The following ATP13A4 variants were observed in gnomAD, a reference collection of about 807,000 sequenced individuals.
ATP13A4 encodes the protein probable cation-transporting ATPase 13A4.
ATP13A4 carries 114 observed loss-of-function variants against 142.5 expected under a neutral mutation model. The ratio of observed to expected loss-of-function variants is 0.80; its 90% CI spans 0.69 to 0.93. The LOEUF is 0.93. Among genes scored for constraint, ATP13A4 ranks in the 40% least tolerant of loss-of-function variants. ATP13A4 has a pLI of 0.00. For missense variants in ATP13A4, 1,392 were observed against 1,454.0 expected (o/e 0.96, Z 0.69); for synonymous variants, 488 against 514.8 (o/e 0.95, Z 0.70).
chr3:193,419,172 C>T (rs1336543931), intron 25 of ATP13A4, among the ~76,000 whole-genome samples: 1 of 150,110 alleles, frequency 6.7e-6, no homozygotes, highest in Non-Finnish European at 1.5e-5. Context: ...AACTACTCCT[C>T]TTAGTCACTG....
chr3:193,569,749 G>T (rs1577084534), intron 2 of ATP13A4, among the ~76,000 whole-genome samples: 1 of 151,856 alleles, frequency 6.6e-6, no homozygotes, highest in African/African-American at 2.4e-5. Flanking sequence ...TTTCCAAGCT[G>T]GTCTTGAACT....
chr3:193,516,380 T>C lies in ATP13A4; in HGVS notation c.61-1509A>G, dbSNP rs147688687. ...TAACTGATAAAATGTTCTCATTAAC[T>C]CAGAAATACAATCTCTTAACTAATT... On this transcript the variant is annotated intron_variant, in intron 1 of 29. Transcript: ENST00000342695. 3.1e-3 allele frequency among the ~76,000 whole-genome samples: 474 copies of C among 152,352 alleles called. 2 individuals carry two copies. The highest frequency in any genetic ancestry group is 0.01 in the African/African-American group (434 of 41,576).
At chr3:193,529,898 C>T (rs546779152) in intron 1 of ATP13A4, among the ~76,000 whole-genome samples, 2 of 152,230 alleles carry the variant, frequency 1.3e-5, no homozygotes, top group East Asian at 3.9e-4. Context: ...TAATAGCACC[C>T]ATAGAAAAAG....
In ATP13A4 at chr3:193,399,868, G is replaced by T. The variant is rs113321727; in HGVS notation, c.*2784C>A. The stretch of plus-strand genomic sequence containing the variant: ...CTCAAAAAAAAAAAAAAAAAAAAAA[G>T]GTTCACATCACAGCATAAGACTGAG... On this transcript the variant is annotated 3_prime_UTR_variant, in exon 30 of 30. Transcript: ENST00000342695. 1.1e-5 allele frequency among the ~76,000 whole-genome samples: 1 copy of T among 88,850 alleles called. No homozygotes were observed. The highest frequency in any genetic ancestry group is 2.5e-5 in the Non-Finnish European group (1 of 40,476). 58.3% of individuals were successfully genotyped at this position (88,850 alleles called of 152,430 possible).
intron 23 of ATP13A4, among the ~76,000 whole-genome samples, chr3:193,437,655 G>A (rs1192220955): frequency 6.6e-6 from 1 of 151,914 alleles, no homozygotes; most frequent in African/African-American, 2.4e-5. Flanking sequence ...TGAGATAGTA[G>A]GCATTATAGC....
chr3:193,555,968 C>A (rs114080994), upstream of ATP13A4, among the ~76,000 whole-genome samples: 10 of 152,210 alleles, frequency 6.6e-5, no homozygotes, highest in African/African-American at 2.4e-4. Context: ...GTACATTGTA[C>A]AGCACTGATC....
In ATP13A4 at chr3:193,412,311, T is replaced by C. The variant is rs774198516; in HGVS notation, c.3075A>G (p.Glu1025=). The change falls in exon 27 of 30, where the codon GAA becomes GAG. Residue 1025 remains glutamate, a synonymous_variant. Transcript: ENST00000342695. The part of the protein sequence containing the change: ...SELTMSPTAP[E]KMESNSTFTS... ...TGAAGGTGCTATTACTTTCCATTTTTTCTGGAGCAGTTGGAGACATGGTTA... is the reference window on the plus strand; with the variant it reads ...TGAAGGTGCTATTACTTTCCATTTTCTCTGGAGCAGTTGGAGACATGGTTA... The C allele has an allele frequency of 6.2e-7, 1 of 1,614,202 alleles. No individual in the cohort carries two copies. Among genetic ancestry groups the C allele is most frequent in the South Asian group, 1.1e-5 (1 of 91,080 alleles).
chr3:193,502,422 A>G, intron 3 of ATP13A4, 71 bp downstream of exon 3: 1 of 1,539,834 alleles, frequency 6.5e-7, no homozygotes, highest in Non-Finnish European at 9.0e-7. Context: ...GAGGAGCTAC[A>G]TTTAACTATA....
rs143822641 is a variant in ATP13A4 at position 193,437,291 on chromosome 3, T to C, written c.2672+1184A>G. On this transcript the variant is annotated intron_variant, in intron 23 of 29. Transcript: ENST00000342695. The stretch of plus-strand genomic sequence containing the variant: ...CCCATCTGAAGCAGCTGCTTCCACC[T>C]ATATAGCCATCTTATTCCCTTTTAC... Among the ~76,000 whole-genome samples the C allele has an allele frequency of 6.7e-3, 1,015 of 151,780 alleles. 17 individuals carry two copies. The highest frequency in any genetic ancestry group is 0.023 in the African/African-American group (945 of 41,412).
chr3:193,451,767 C>A (rs925294386), intron 17 of ATP13A4, among the ~76,000 whole-genome samples: 2 of 152,088 alleles, frequency 1.3e-5, no homozygotes, highest in Non-Finnish European at 2.9e-5. Flanking sequence ...GATTATGATA[C>A]CAATGCTGGA....
At chr3:193,418,637 C>T (rs577951586) in intron 25 of ATP13A4, among the ~76,000 whole-genome samples, 2 of 149,584 alleles carry the variant, frequency 1.3e-5, no homozygotes, top group South Asian at 4.2e-4. Flanking sequence ...GCAAGAGGAC[C>T]CCAGCAGCCC....
chr3:193,526,959 T>C (rs760775137), intron 1 of ATP13A4, among the ~76,000 whole-genome samples: 2 of 152,190 alleles, frequency 1.3e-5, no homozygotes, highest in Non-Finnish European at 2.9e-5. Context: ...AAATGCCACA[T>C]ACTCTCAAAT....
At chr3:193,558,321 T>C (rs1345744685), upstream of ATP13A4, among the ~76,000 whole-genome samples, 1 of 152,246 alleles carries the variant, frequency 6.6e-6, no homozygotes, top group East Asian at 1.9e-4. Context: ...TTCTATACTC[T>C]ACGTGCCTCA....
intron 8 of ATP13A4, among the ~76,000 whole-genome samples, chr3:193,482,766 G>C (rs148268431): frequency 7.9e-5 from 12 of 152,346 alleles, no homozygotes; most frequent in African/African-American, 2.9e-4. Flanking sequence ...TGTCAAGAAT[G>C]TGGAGCACCT....
At chr3:193,576,182 G>A (rs1479427541) in intron 2 of ATP13A4, among the ~76,000 whole-genome samples, 1 of 143,992 alleles carries the variant, frequency 6.9e-6, no homozygotes, top group Non-Finnish European at 1.5e-5. Flanking sequence ...GCCCCCTGCA[G>A]AATGTACAGG....
chr3:193,526,337 CTA>C (rs1722001535), intron 1 of ATP13A4, among the ~76,000 whole-genome samples: 1 of 152,142 alleles, frequency 6.6e-6, no homozygotes, highest in Non-Finnish European at 1.5e-5. Flanking sequence ...TCTGAGCAAA[CTA>C]ACACAGGAAC....
intron 8 of ATP13A4, among the ~76,000 whole-genome samples, chr3:193,471,369 C>A (rs937053395): frequency 2.0e-5 from 3 of 151,924 alleles, no homozygotes; most frequent in African/African-American, 7.3e-5. Flanking sequence ...TTGAGACCAA[C>A]CTGGACAATA....
chr3:193,575,409 G>A (rs1179690297), intron 2 of ATP13A4, among the ~76,000 whole-genome samples: 1 of 152,130 alleles, frequency 6.6e-6, no homozygotes, highest in East Asian at 1.9e-4. Flanking sequence ...AGTTGACAAA[G>A]AGAAATAAAA....
chr3:193,417,926 T>C (rs1371321882), intron 25 of ATP13A4, among the ~76,000 whole-genome samples: 9 of 146,212 alleles, frequency 6.2e-5, no homozygotes, highest in Non-Finnish European at 1.3e-4. Context: ...ATCGAGACCA[T>C]CCCGGCTAAA....
Sources: gnomAD v4.1 joint callset for allele counts (sites outside exome capture counted in the v4.1 genomes callset) on GRCh38, gnomAD v4.1.1 for gene constraint, MANE v1.5 for transcripts, NCBI Gene and HGNC (gene_info 2026-07-23, HGNC 2026-07-21) for gene names.